Variants in GPC5 observed in about 807,000 individuals in gnomAD.
GPC5 encodes glypican 5.
Under a neutral mutation model 53.9 loss-of-function variants are expected in GPC5, and 47 were observed. The observed-to-expected ratio is 0.87, with a 90% CI of 0.69 to 1.11. The LOEUF (loss-of-function observed/expected upper bound fraction) is 1.11, where lower values mean the gene tolerates loss of function less well. GPC5 is among the 50% of genes most tolerant of loss of function. The probability of loss-of-function intolerance (pLI) is 0.00; values close to 1 mark genes in which losing one functional copy is unlikely to be tolerated. For missense variants in GPC5, 748 were observed against 713.1 expected (o/e 1.05, Z -0.56); for synonymous variants, 286 against 263.3 (o/e 1.09, Z -0.84).
At chr13:92,658,924 G>GTTTTTTTTTTTTTTTTTTTTTT (rs71123426) in intron 7 of GPC5, 1 of 85,594 alleles carries the variant, frequency 1.2e-5, no homozygotes, top group Non-Finnish European at 2.2e-5. Context: ...TATATGTTTT[G>GTTTTTTTTTTTTTTTTTTTTTT]TTTTTTTTTT....
chr13:91,608,855 G>A (rs867613701), intron 2 of GPC5, among the ~76,000 whole-genome samples: 1 of 151,446 alleles, frequency 6.6e-6, no homozygotes, highest in African/African-American at 2.4e-5. Flanking sequence ...TTAATGATTG[G>A]ACATCAGTTC....
intron 2 of GPC5, among the ~76,000 whole-genome samples, chr13:91,478,032 GA>G (rs1270544539): frequency 1.3e-5 from 2 of 148,238 alleles, no homozygotes; most frequent in Admixed American, 6.7e-5. Context: ...ATTCTTGGAG[GA>G]AAAAAAAACA....
intron 6 of GPC5, among the ~76,000 whole-genome samples, chr13:92,003,455 T>A (rs930691505): frequency 2.6e-5 from 4 of 152,146 alleles, no homozygotes; most frequent in African/African-American, 9.7e-5. Context: ...ATCGAGATTT[T>A]TTTTTTCAGT....
chr13:92,702,775 C>T (rs1466167490), intron 7 of GPC5, among the ~76,000 whole-genome samples: 1 of 152,088 alleles, frequency 6.6e-6, no homozygotes, highest in Non-Finnish European at 1.5e-5. Context: ...GGCTCTCCAT[C>T]TCATTCAGAG....
intron 5 of GPC5, among the ~76,000 whole-genome samples, chr13:91,849,987 G>A (rs901564779): frequency 5.3e-5 from 8 of 152,232 alleles, no homozygotes; most frequent in Middle Eastern, 3.4e-3. Context: ...AGATGAGGCA[G>A]GTATTGAGAT....
intron 1 of GPC5, among the ~76,000 whole-genome samples, chr13:91,436,007 T>C (rs1879912345): frequency 6.6e-6 from 1 of 152,242 alleles, no homozygotes; most frequent in Non-Finnish European, 1.5e-5. Flanking sequence ...GATGGTAGTT[T>C]GTATTTCTGT....
At chr13:92,118,939 C>T (rs1276038106) in intron 6 of GPC5, among the ~76,000 whole-genome samples, 3 of 152,194 alleles carry the variant, frequency 2.0e-5, no homozygotes, top group Non-Finnish European at 4.4e-5. Context: ...GTTTTAAATA[C>T]TTTAACCACT....
At chr13:91,522,528 A>T (rs953775910) in intron 2 of GPC5, among the ~76,000 whole-genome samples, 2 of 152,064 alleles carry the variant, frequency 1.3e-5, no homozygotes, top group Non-Finnish European at 2.9e-5. Flanking sequence ...CTGAATTTTT[A>T]AAAATTATAC....
At chr13:91,973,417 C>T (rs1217810596) in intron 6 of GPC5, among the ~76,000 whole-genome samples, 1 of 152,158 alleles carries the variant, frequency 6.6e-6, no homozygotes, top group African/African-American at 2.4e-5. Context: ...TTTGAATTTC[C>T]TCCTGTAGCT....
chr13:91,692,443 T>C (rs983896030), intron 2 of GPC5, among the ~76,000 whole-genome samples: 2 of 152,180 alleles, frequency 1.3e-5, no homozygotes, highest in African/African-American at 4.8e-5. Context: ...CTAGCTTTCA[T>C]TCTGGAAAAG....
intron 7 of GPC5, among the ~76,000 whole-genome samples, chr13:92,692,080 A>T (rs1211696978): frequency 1.3e-5 from 2 of 152,106 alleles, no homozygotes; most frequent in Non-Finnish European, 1.5e-5. Flanking sequence ...CTTTATATCC[A>T]TGTGTACCCT....
intron 7 of GPC5, among the ~76,000 whole-genome samples, chr13:92,807,796 A>AT (rs1325825809): frequency 3.9e-5 from 6 of 152,124 alleles, no homozygotes; most frequent in Non-Finnish European, 7.4e-5. Context: ...AGTGCGACTG[A>AT]CACGCTTTAA....
At chr13:92,637,893 T>C (rs1221104383) in intron 7 of GPC5, among the ~76,000 whole-genome samples, 1 of 152,086 alleles carries the variant, frequency 6.6e-6, no homozygotes, top group Non-Finnish European at 1.5e-5. Flanking sequence ...ATGAGAAACA[T>C]GGAAGAGAGA....
intron 1 of GPC5, among the ~76,000 whole-genome samples, chr13:91,421,013 G>A (rs1034428274): frequency 1.3e-5 from 2 of 152,120 alleles, no homozygotes; most frequent in Admixed American, 1.3e-4. Flanking sequence ...GCATCTTTTG[G>A]TGTCTTAAAA....
chr13:92,494,100 G>GTTTTT (rs56882247), intron 7 of GPC5, among the ~76,000 whole-genome samples: 1 of 112,682 alleles, frequency 8.9e-6, no homozygotes, highest in African/African-American at 3.0e-5. Context: ...GTTTTGTTTT[G>GTTTTT]TTTTTTTGAG....
intron 7 of GPC5, among the ~76,000 whole-genome samples, chr13:92,648,640 G>C (rs1885850715): frequency 1.3e-5 from 2 of 152,038 alleles, no homozygotes; most frequent in Non-Finnish European, 1.5e-5. Context: ...GTCTTGATTT[G>C]TTGTTTCAGA....
At chr13:92,230,730 A>G (rs2042523864) in intron 7 of GPC5, among the ~76,000 whole-genome samples, 1 of 152,156 alleles carries the variant, frequency 6.6e-6, no homozygotes. Context: ...TATACTGCCA[A>G]TTATTCCTTT....
At chr13:92,544,773 C>G (rs1216612700) in intron 7 of GPC5, among the ~76,000 whole-genome samples, 1 of 151,938 alleles carries the variant, frequency 6.6e-6, no homozygotes, top group African/African-American at 2.4e-5. Context: ...GCTGAAATAA[C>G]TTGCTTGACA....
chr13:92,549,182 C>A, intron 7 of GPC5, among the ~76,000 whole-genome samples: 1 of 151,914 alleles, frequency 6.6e-6, no homozygotes, highest in East Asian at 1.9e-4. Context: ...GTCCATTCTG[C>A]AAAGATAAGA....
Sources: gnomAD v4.1 joint callset for allele counts (sites outside exome capture counted in the v4.1 genomes callset) on GRCh38, gnomAD v4.1.1 for gene constraint, MANE v1.5 for transcripts, NCBI Gene and HGNC (gene_info 2026-07-23, HGNC 2026-07-21) for gene names.